GRID2: variants seen among roughly 807,000 people sequenced by gnomAD.
GRID2 encodes the protein glutamate ionotropic receptor delta type subunit 2.
In GRID2, 33 loss-of-function variants were observed where a neutral mutation model predicts 114.8. The observed-to-expected ratio is 0.29, with a 90% CI of 0.22 to 0.38. The LOEUF is 0.38. Ranked by LOEUF, GRID2 falls within the 10% of genes least tolerant of loss-of-function variation. The pLI is 1.00. For synonymous variants in GRID2, 505 were observed against 449.9 expected, an observed-to-expected ratio of 1.12 and a Z score of -1.55; for missense variants, 1,184 against 1,257.7, an observed-to-expected ratio of 0.94 and a Z score of 0.89.
At chr4:92,337,161 A>G (rs1453548927) in intron 1 of GRID2, among the ~76,000 whole-genome samples, 1 of 151,864 alleles carries the variant, frequency 6.6e-6, no homozygotes, top group East Asian at 1.9e-4. Flanking sequence ...GACTGCACAT[A>G]ATCTTTTGTC....
intron 14 of GRID2, among the ~76,000 whole-genome samples, chr4:93,763,150 C>G (rs1336681987): frequency 6.6e-6 from 1 of 152,122 alleles, no homozygotes; most frequent in Admixed American, 6.6e-5. Context: ...AGAGACCAGC[C>G]ACCACCTTTC....
At chr4:92,464,665 G>A (rs1325016716) in intron 1 of GRID2, among the ~76,000 whole-genome samples, 1 of 151,990 alleles carries the variant, frequency 6.6e-6, no homozygotes, top group Non-Finnish European at 1.5e-5. Flanking sequence ...AAAAAGACAA[G>A]TTCATTAATC....
chr4:93,110,752 C>T lies in GRID2; in HGVS notation c.534C>T (p.Ile178=). Residue 178 remains isoleucine, a synonymous_variant, in exon 4 of 16, where the codon ATC becomes ATT. Transcript: ENST00000282020. Reference sequence around the variant, plus strand: ...ATGGGCTTTTGATGTTTCCAGATATCCGTGGAATACAGGAGTTCTTGGACA... The same window carrying T: ...ATGGGCTTTTGATGTTTCCAGATATTCGTGGAATACAGGAGTTCTTGGACA... ...FIIFYDSEYD[I]RGIQEFLDKV... 6.2e-7 allele frequency: 1 copy of T among 1,603,354 alleles called. No homozygotes were observed. The highest frequency in any genetic ancestry group is 8.5e-7 in the Non-Finnish European group (1 of 1,170,212).
intron 13 of GRID2, among the ~76,000 whole-genome samples, chr4:93,535,227 C>T (rs1231771879): frequency 9.7e-6 from 1 of 103,044 alleles, no homozygotes; most frequent in Non-Finnish European, 1.8e-5. Context: ...CACACACATA[C>T]ACATACACAC....
Position 93,572,199 on chromosome 4 carries a change from ACTAT to A in GRID2, c.2194-54067_2194-54064del, listed in dbSNP as rs1170336283. ...ATAAAGACATCGGCAAAACTCTTGA[ACTAT>A]CTGATACGTCTATTTCATATAAAAT... is the stretch of plus-strand genomic sequence containing the variant. On this transcript the variant is annotated intron_variant, in intron 13 of 15. Coordinates refer to ENST00000282020, the MANE Select transcript of GRID2 (RefSeq NM_001510.4). 2.6e-5 allele frequency among the ~76,000 whole-genome samples: 4 copies of A among 152,252 alleles called. No homozygotes were observed. In the South Asian group the frequency reaches 6.2e-4, roughly 24 times the overall value.
At chr4:92,482,054 T>C (rs1212284850) in intron 1 of GRID2, among the ~76,000 whole-genome samples, 1 of 136,056 alleles carries the variant, frequency 7.3e-6, no homozygotes, top group Non-Finnish European at 1.6e-5. Context: ...TACAAGCTTA[T>C]AGCTGCTCAG....
At chr4:93,328,927 C>G (rs945324381) in intron 8 of GRID2, among the ~76,000 whole-genome samples, 3 of 152,136 alleles carry the variant, frequency 2.0e-5, no homozygotes, top group African/African-American at 7.2e-5. Flanking sequence ...AAGGCCGATA[C>G]TTATTTTATG....
chr4:92,499,929 T>A (rs1723588115), intron 1 of GRID2, among the ~76,000 whole-genome samples: 3 of 152,230 alleles, frequency 2.0e-5, no homozygotes, highest in African/African-American at 7.2e-5. Context: ...AATGTTTTTA[T>A]ACATCCAAAT....
At chr4:92,506,301 G>A (rs1323107876) in intron 1 of GRID2, among the ~76,000 whole-genome samples, 1 of 151,952 alleles carries the variant, frequency 6.6e-6, no homozygotes, top group East Asian at 1.9e-4. Flanking sequence ...TAGGAAATTG[G>A]AGAGGAGAAC....
At chr4:93,377,029 T>C (rs1023448815) in intron 8 of GRID2, among the ~76,000 whole-genome samples, 144 of 152,146 alleles carry the variant, frequency 9.5e-4, no homozygotes, top group Non-Finnish European at 1.0e-3. Context: ...AATGGTGTCA[T>C]GATTATGTTT....
At chr4:92,921,767 G>A (rs1749360516) in intron 2 of GRID2, among the ~76,000 whole-genome samples, 1 of 152,184 alleles carries the variant, frequency 6.6e-6, no homozygotes, top group South Asian at 2.1e-4. Context: ...ACTGGGGAAT[G>A]CCACCCAGTT....
rs565728808 is a variant in GRID2, at chr4:92,838,185, A to G, written c.245-246810A>G. 1.7e-4 allele frequency among the ~76,000 whole-genome samples: 26 copies of G among 152,162 alleles called. No homozygotes were observed. The South Asian group carries it at 5.4e-3, about 32-fold the overall frequency. ...TCCCTGTGGAGATATTAAGAAAATC[A>G]TTTATTTTTCTGTTAGATACACAAA... On this transcript the variant is annotated intron_variant, in intron 2 of 15. Coordinates refer to ENST00000282020, the MANE Select transcript of GRID2 (RefSeq NM_001510.4).
At chr4:92,988,000 A>C (rs939579838) in intron 2 of GRID2, among the ~76,000 whole-genome samples, 1 of 152,214 alleles carries the variant, frequency 6.6e-6, no homozygotes, top group Non-Finnish European at 1.5e-5. Context: ...ATTTACATTA[A>C]TTGATCAATT....
chr4:92,992,561 T>G (rs1754971658), intron 2 of GRID2, among the ~76,000 whole-genome samples: 1 of 152,202 alleles, frequency 6.6e-6, no homozygotes, highest in African/African-American at 2.4e-5. Context: ...TTTTGCAATT[T>G]CATATTGTGA....
chr4:93,426,241 A>G (rs1768836985), intron 10 of GRID2, among the ~76,000 whole-genome samples: 1 of 152,210 alleles, frequency 6.6e-6, no homozygotes, highest in Admixed American at 6.5e-5. Flanking sequence ...TTTTAATACA[A>G]AATGGGCAAT....
intron 4 of GRID2, among the ~76,000 whole-genome samples, chr4:93,197,510 A>T (rs1342103568): frequency 6.6e-6 from 1 of 152,194 alleles, no homozygotes; most frequent in African/African-American, 2.4e-5. Context: ...ATATTAGCTT[A>T]TACTATTATT....
chr4:92,601,780 TAAAGA>T (rs149718131), intron 2 of GRID2, among the ~76,000 whole-genome samples: 5,758 of 151,536 alleles, frequency 0.038, 147 homozygotes, highest in Non-Finnish European at 0.057. Context: ...GCTGAAATAA[TAAAGA>T]AAAGAGAAGA....
intron 4 of GRID2, among the ~76,000 whole-genome samples, chr4:93,113,409 T>A (rs3846290): frequency 6.6e-6 from 1 of 151,958 alleles, no homozygotes; most frequent in African/African-American, 2.4e-5. Flanking sequence ...GTTTGTGCAC[T>A]TAACCTTGGT....
intron 2 of GRID2, among the ~76,000 whole-genome samples, chr4:92,989,288 A>AT (rs1754706795): frequency 1.4e-5 from 2 of 145,338 alleles, no homozygotes; most frequent in Non-Finnish European, 3.0e-5. Flanking sequence ...AAAAAAAAAA[A>AT]AAAAAAAAAA....
Sources: allele counts gnomAD v4.1 joint callset (sites outside exome capture counted in the v4.1 genomes callset), GRCh38; gene constraint gnomAD v4.1.1; transcripts MANE v1.5; gene names NCBI Gene and HGNC (gene_info 2026-07-23, HGNC 2026-07-21).